The following SGCZ variants were observed in gnomAD, a reference collection of about 807,000 sequenced individuals.
SGCZ encodes the protein sarcoglycan zeta, also known as zeta-sarcoglycan.
A neutral mutation model predicts 41.3 loss-of-function variants in SGCZ; 40 were observed. The observed-to-expected ratio is 0.97, with a 90% CI of 0.75 to 1.26. The LOEUF is 1.26. Among genes scored for constraint, SGCZ ranks in the 50% most tolerant of loss-of-function variants. The pLI is 0.00. For synonymous variants in SGCZ, 206 were observed against 137.5 expected (o/e 1.50, Z -3.49); for missense variants, 552 against 369.8 (o/e 1.49, Z -4.04).
At chr8:14,230,765 G>GC (rs1806535720) in intron 4 of SGCZ, among the ~76,000 whole-genome samples, 1 of 148,994 alleles carries the variant, frequency 6.7e-6, no homozygotes, top group Non-Finnish European at 1.5e-5. Context: ...TTTGGTGGTG[G>GC]TGGGGGGGTG....
At chr8:15,044,217 C>G (rs1026013417) in intron 1 of SGCZ, among the ~76,000 whole-genome samples, 3 of 152,158 alleles carry the variant, frequency 2.0e-5, no homozygotes, top group Admixed American at 2.0e-4. Context: ...AAACCTCACA[C>G]TGCACTTCAA....
chr8:14,836,617 G>A (rs1254846001), intron 1 of SGCZ, among the ~76,000 whole-genome samples: 3 of 152,134 alleles, frequency 2.0e-5, no homozygotes, highest in Admixed American at 6.5e-5. Context: ...TCGTGCCTCA[G>A]CCACCCAAAC....
At chr8:14,983,365 T>C (rs1483550565) in intron 1 of SGCZ, among the ~76,000 whole-genome samples, 2 of 151,886 alleles carry the variant, frequency 1.3e-5, no homozygotes, top group East Asian at 1.9e-4. Flanking sequence ...ATCTGGCTAA[T>C]GTATTTTTAT....
intron 4 of SGCZ, among the ~76,000 whole-genome samples, chr8:14,190,280 A>C (rs1156575456): frequency 3.3e-5 from 5 of 151,810 alleles, no homozygotes; most frequent in Non-Finnish European, 5.9e-5. Context: ...CCAAAGTGCC[A>C]GGATTACAGG....
chr8:14,688,602 G>A (rs1332252416), intron 1 of SGCZ, among the ~76,000 whole-genome samples: 1 of 152,110 alleles, frequency 6.6e-6, no homozygotes, highest in East Asian at 1.9e-4. Context: ...CTGTAGCCTT[G>A]TAGTATAGTT....
intron 1 of SGCZ, among the ~76,000 whole-genome samples, chr8:15,210,308 G>C (rs1375345319): frequency 6.6e-6 from 1 of 152,114 alleles, no homozygotes. Context: ...CACTGTAGCT[G>C]ATACTGTCTT....
chr8:14,808,141 T>A (rs1009316622), intron 1 of SGCZ, among the ~76,000 whole-genome samples: 5 of 152,174 alleles, frequency 3.3e-5, no homozygotes, highest in Non-Finnish European at 7.3e-5. Flanking sequence ...GAAGATAACC[T>A]AGGTAATACC....
chr8:14,125,078 A>C (rs2117043774), intron 5 of SGCZ, among the ~76,000 whole-genome samples: 1 of 152,312 alleles, frequency 6.6e-6, no homozygotes, highest in Non-Finnish European at 1.5e-5. Flanking sequence ...AAGGAATACC[A>C]CTAACAGGGG....
intron 1 of SGCZ, among the ~76,000 whole-genome samples, chr8:14,646,270 T>C (rs1021804186): frequency 1.3e-5 from 2 of 151,926 alleles, no homozygotes; most frequent in Non-Finnish European, 2.9e-5. Flanking sequence ...CACACAATGT[T>C]TAGTTCCCAC....
At chr8:14,725,158 G>A (rs1283876483) in intron 1 of SGCZ, among the ~76,000 whole-genome samples, 1 of 152,106 alleles carries the variant, frequency 6.6e-6, no homozygotes, top group African/African-American at 2.4e-5. Flanking sequence ...TCCATCCATG[G>A]TGTTGCAAAT....
chr8:15,235,474 C>T (rs1802090654), intron 1 of SGCZ, among the ~76,000 whole-genome samples: 1 of 152,158 alleles, frequency 6.6e-6, no homozygotes, highest in African/African-American at 2.4e-5. Context: ...TCTTCCCAGT[C>T]AGTCATTGCC....
intron 1 of SGCZ, among the ~76,000 whole-genome samples, chr8:14,899,059 C>T (rs1216946200): frequency 3.3e-5 from 5 of 152,034 alleles, no homozygotes; most frequent in South Asian, 2.1e-4. Context: ...TTTAAGAAGT[C>T]GTTTTCCTTA....
intron 1 of SGCZ, among the ~76,000 whole-genome samples, chr8:15,236,066 T>C (rs1397992254): frequency 1.3e-5 from 2 of 152,138 alleles, no homozygotes; most frequent in Non-Finnish European, 2.9e-5. Context: ...CAGAAACTTG[T>C]TGGCCAACTT....
chr8:14,167,298 T>G (rs865934641), intron 4 of SGCZ, among the ~76,000 whole-genome samples: 3 of 152,290 alleles, frequency 2.0e-5, no homozygotes, highest in African/African-American at 7.2e-5. Flanking sequence ...ATTCAGTTAC[T>G]TAGAGAAGCA....
intron 1 of SGCZ, among the ~76,000 whole-genome samples, chr8:14,962,794 T>G (rs754220678): frequency 6.6e-6 from 1 of 152,210 alleles, no homozygotes; most frequent in Non-Finnish European, 1.5e-5. Flanking sequence ...GTGTCCCGCA[T>G]TAAGAAATTC....
intron 1 of SGCZ, among the ~76,000 whole-genome samples, chr8:14,847,629 G>T (rs185414088): frequency 6.7e-6 from 1 of 148,168 alleles, no homozygotes. Flanking sequence ...TTTATAAAGA[G>T]GGAAGGAAGG....
At chr8:14,323,839 C>T (rs558657558) in intron 3 of SGCZ, among the ~76,000 whole-genome samples, 1 of 152,098 alleles carries the variant, frequency 6.6e-6, no homozygotes, top group African/African-American at 2.4e-5. Flanking sequence ...ATTTTAATTT[C>T]CAGTGAAAAT....
At chr8:15,046,728 T>C (rs2130986823) in intron 1 of SGCZ, among the ~76,000 whole-genome samples, 1 of 152,124 alleles carries the variant, frequency 6.6e-6, no homozygotes, top group Non-Finnish European at 1.5e-5. Flanking sequence ...CAGACATAGC[T>C]AAGATAAAGA....
At chr8:14,292,635 G>T (rs947842084) in intron 3 of SGCZ, among the ~76,000 whole-genome samples, 3 of 151,930 alleles carry the variant, frequency 2.0e-5, no homozygotes, top group Non-Finnish European at 4.4e-5. Flanking sequence ...GTAATGTAGC[G>T]CATGTTGCTG....
Sources: allele counts gnomAD v4.1 joint callset (sites outside exome capture counted in the v4.1 genomes callset), GRCh38; gene constraint gnomAD v4.1.1; transcripts MANE v1.5; gene names NCBI Gene and HGNC (gene_info 2026-07-23, HGNC 2026-07-21).